GPT2: variants seen among roughly 807,000 people sequenced by gnomAD.
GPT2 encodes glutamic--pyruvic transaminase 2.
In GPT2, 30 loss-of-function variants were observed where a neutral mutation model predicts 56.9. The observed-to-expected ratio is 0.53, with a 90% confidence interval of 0.39 to 0.72. The LOEUF (loss-of-function observed/expected upper bound fraction) is 0.72, where lower values mean the gene tolerates loss of function less well. Ranked by LOEUF, GPT2 falls within the 30% of genes least tolerant of loss-of-function variation. The pLI is 0.00. For missense variants in GPT2, 542 were observed against 703.4 expected (o/e 0.77, Z 2.60); for synonymous variants, 271 against 283.1 (o/e 0.96, Z 0.43).
chr16:46,893,012 G>A (rs1193358418), intron 2 of GPT2, among the ~76,000 whole-genome samples: 9 of 152,114 alleles, frequency 5.9e-5, no homozygotes, highest in East Asian at 3.9e-4. Flanking sequence ...CATATAATAC[G>A]TAGTACATAT....
Position 46,922,276 on chromosome 16 carries a change from A to G in GPT2, c.1072A>G (p.Asn358Asp). The change falls in exon 9 of 12, where the codon AAC (asparagine) becomes GAC (aspartate). Residue 358 changes from asparagine (N) to aspartate (D), a missense_variant. Coordinates refer to ENST00000340124, the MANE Select transcript of GPT2 (RefSeq NM_133443.4). Reference sequence around the variant, plus strand: ...CAGAGGAGGCTACATGGAGGTGATCAACCTGCACCCTGAGATCAAGGGCCA... The same window carrying G: ...CAGAGGAGGCTACATGGAGGTGATCGACCTGCACCCTGAGATCAAGGGCCA... Reference protein sequence around the residue: ...GYRGGYMEVINLHPEIKGQLV... With the variant: ...GYRGGYMEVIDLHPEIKGQLV... The G allele has an allele frequency of 6.2e-7, 1 of 1,614,014 alleles. No homozygotes were observed. Among genetic ancestry groups the G allele is most frequent in the Non-Finnish European group, 8.5e-7 (1 of 1,179,982 alleles).
At chr16:46,909,210 A>C (rs1960995254) in intron 5 of GPT2, among the ~76,000 whole-genome samples, 1 of 152,256 alleles carries the variant, frequency 6.6e-6, no homozygotes, top group African/African-American at 2.4e-5. Flanking sequence ...GAGCAGGGTC[A>C]GAATAATTCT....
chr16:46,898,909 T>C (rs906023164), intron 3 of GPT2, among the ~76,000 whole-genome samples: 7 of 146,684 alleles, frequency 4.8e-5, no homozygotes, highest in Non-Finnish European at 7.5e-5. Flanking sequence ...TACACATATA[T>C]ATACACACAC....
chr16:46,898,848 C>T (rs1960737838), intron 3 of GPT2, among the ~76,000 whole-genome samples: 1 of 146,680 alleles, frequency 6.8e-6, no homozygotes, highest in South Asian at 2.1e-4. Flanking sequence ...CCATACCTGG[C>T]CTGTTTTATT....
rs1340879627 is a variant in GPT2 at position 46,884,844 on chromosome 16, G to T, written c.129G>T (p.Arg43=). 6.5e-7 allele frequency: 1 copy of T among 1,542,378 alleles called. No individual in the cohort carries two copies. The highest frequency in any genetic ancestry group is 8.7e-7 in the Non-Finnish European group (1 of 1,144,382). Residue 43 remains arginine (R), a synonymous_variant, in exon 2 of 12, where the codon CGG becomes CGT. Transcript: ENST00000340124. ...AVLKVRPERS[R]RERILTLESM... Reference sequence around the variant, plus strand: ...TCAAGGTGCGGCCCGAGCGCAGCCGGCGCGAGCGCATCCTCACGCTGGAGT... The same window carrying T: ...TCAAGGTGCGGCCCGAGCGCAGCCGTCGCGAGCGCATCCTCACGCTGGAGT...
intron 10 of GPT2, 122 bp from the exon 11 acceptor site, chr16:46,926,803 G>A (rs1018911123): frequency 6.8e-5 from 38 of 559,150 alleles, no homozygotes; most frequent in Non-Finnish European, 9.3e-5. Context: ...CTCTAGGAGC[G>A]GAAGGGGAGA....
At chr16:46,918,061 G>A (rs144487568) in intron 7 of GPT2, among the ~76,000 whole-genome samples, 87 of 152,308 alleles carry the variant, frequency 5.7e-4, no homozygotes, top group African/African-American at 1.9e-3. Flanking sequence ...GGCCAGGGTG[G>A]GTGTCTGCCA....
chr16:46,902,914 G>A (rs542739178), intron 4 of GPT2, among the ~76,000 whole-genome samples: 88 of 151,984 alleles, frequency 5.8e-4, no homozygotes, highest in African/African-American at 1.8e-3. Flanking sequence ...GTGAGCCACC[G>A]CGCCTGGCCA....
At chr16:46,908,389 G>C (rs1453518521) in intron 5 of GPT2, among the ~76,000 whole-genome samples, 5 of 151,602 alleles carry the variant, frequency 3.3e-5, no homozygotes, top group African/African-American at 9.7e-5. Flanking sequence ...GTCCTGGGGT[G>C]GGGGGACTGG....
At chr16:46,917,606 C>T (rs551322118) in intron 7 of GPT2, among the ~76,000 whole-genome samples, 6 of 152,174 alleles carry the variant, frequency 3.9e-5, no homozygotes, top group East Asian at 1.9e-4. Flanking sequence ...TGGTTTCCGG[C>T]GAGCTGCAGC....
intron 4 of GPT2, among the ~76,000 whole-genome samples, chr16:46,902,455 G>A (rs980103068): frequency 3.9e-5 from 6 of 152,126 alleles, no homozygotes; most frequent in African/African-American, 4.8e-5. Flanking sequence ...GGTCCTTCGC[G>A]TGACAGGGAC....
Position 46,909,735 on chromosome 16 carries a change from A to G in GPT2, c.628A>G (p.Met210Val). 6.2e-7 allele frequency: 1 copy of G among 1,614,130 alleles called. No individual in the cohort carries two copies. The highest frequency in any genetic ancestry group is 8.5e-7 in the Non-Finnish European group (1 of 1,180,028). Reference sequence around the variant, plus strand: ...GGGCGGCAAGTCACGGACAGGTGTGATGATCCCCATCCCACAATATCCCCT... The same window carrying G: ...GGGCGGCAAGTCACGGACAGGTGTGGTGATCCCCATCCCACAATATCCCCT... Reference protein sequence around the residue: ...SGGGKSRTGVMIPIPQYPLYS... With the variant: ...SGGGKSRTGVVIPIPQYPLYS... The change falls in exon 6 of 12, where the codon ATG becomes GTG. Residue 210 changes from methionine (M) to valine (V), a missense_variant. Transcript: ENST00000340124.
chr16:46,905,642 C>A (rs532456747), intron 4 of GPT2, among the ~76,000 whole-genome samples: 1 of 152,286 alleles, frequency 6.6e-6, no homozygotes, highest in East Asian at 1.9e-4. Flanking sequence ...AGATCTTGCA[C>A]CTGTACAAAT....
chr16:46,919,310 G>A (rs1961234724), intron 8 of GPT2, among the ~76,000 whole-genome samples: 1 of 152,240 alleles, frequency 6.6e-6, no homozygotes, highest in African/African-American at 2.4e-5. Context: ...TGAGGGGGGA[G>A]AGCTGTAGGC....
intron 4 of GPT2, among the ~76,000 whole-genome samples, chr16:46,906,094 T>A (rs1259166773): frequency 7.2e-5 from 11 of 152,066 alleles, no homozygotes; most frequent in Admixed American, 7.2e-4. Context: ...TTTATTTATT[T>A]TTTTGAGACA....
At chr16:46,898,963 TATAC>T (rs1960751051) in intron 3 of GPT2, among the ~76,000 whole-genome samples, 1 of 33,764 alleles carries the variant, frequency 3.0e-5, no homozygotes, top group Non-Finnish European at 5.8e-5. Context: ...TGTGTATATA[TATAC>T]ACACACACAT....
At position 46,891,787 on chromosome 16, in the gene GPT2, CTT is replaced by C. The variant is rs993012350; in HGVS notation, c.244-5858_244-5857del. Among the ~76,000 whole-genome samples, 31 of 151,546 alleles carry C rather than the reference CTT, an allele frequency of 2.0e-4. 1 individual carries two copies. Among genetic ancestry groups the C allele is most frequent in the Admixed American group, 1.9e-3 (29 of 15,192 alleles). ...TACAAACAATCCAATTATATATACTCTTTTAGCTTTTTTTTTTTCAATGTACA... is the reference window on the plus strand; with the variant it reads ...TACAAACAATCCAATTATATATACTCTTAGCTTTTTTTTTTTCAATGTACA... On this transcript the variant is annotated intron_variant, in intron 2 of 11. Coordinates refer to ENST00000340124, the MANE Select transcript of GPT2 (RefSeq NM_133443.4).
chr16:46,900,665 G>A lies in GPT2; in HGVS notation c.334-17G>A, dbSNP rs768158569. ...AGTGGGGGTGCTGGGAGCTCAGCCTGTGTCTTGTTCCCCCAGGTGATGGCA... is the reference window on the plus strand; with the variant it reads ...AGTGGGGGTGCTGGGAGCTCAGCCTATGTCTTGTTCCCCCAGGTGATGGCA... On this transcript the variant is annotated splice_polypyrimidine_tract_variant and intron_variant, in intron 3 of 11. Coordinates refer to ENST00000340124, the MANE Select transcript of GPT2 (RefSeq NM_133443.4). The A allele has an allele frequency of 6.2e-6, 10 of 1,600,222 alleles. No individual in the cohort carries two copies. The highest frequency in any genetic ancestry group is 2.2e-5 in the South Asian group (2 of 90,736).
Position 46,884,715 on chromosome 16 carries a change from G to T in GPT2, c.-1G>T. The stretch of plus-strand genomic sequence containing the variant: ...CCAGGGTTTCTCTCCGCAAGCGCGC[G>T]ATGCAGCGGGCGGCGGCGCTGGTCC... On this transcript the variant is annotated 5_prime_UTR_variant, in exon 2 of 12. Coordinates refer to ENST00000340124, the MANE Select transcript of GPT2 (RefSeq NM_133443.4). The T allele has an allele frequency of 1.5e-6, 2 of 1,376,178 alleles. No homozygotes were observed. Among genetic ancestry groups the T allele is most frequent in the Middle Eastern group, 1.9e-4 (1 of 5,144 alleles). 85.2% of individuals were successfully genotyped at this position (1,376,178 alleles called of 1,614,324 possible).
Sources: gnomAD v4.1 joint callset for allele counts (sites outside exome capture counted in the v4.1 genomes callset) on GRCh38, gnomAD v4.1.1 for gene constraint, MANE v1.5 for transcripts, NCBI Gene and HGNC (gene_info 2026-07-23, HGNC 2026-07-21) for gene names.